The following SCIN variants were observed in gnomAD, a reference collection of about 807,000 sequenced individuals.
The protein encoded by SCIN is adseverin.
SCIN carries 91 observed loss-of-function variants against 91.8 expected under a neutral mutation model. That is an observed-to-expected ratio of 0.99 (90% CI 0.84 to 1.18). The LOEUF is 1.18. SCIN is among the 50% of genes most tolerant of loss of function. SCIN has a pLI of 0.00. For missense variants in SCIN, 1,087 were observed against 863.9 expected (o/e 1.26, Z -3.24); for synonymous variants, 367 against 312.6 (o/e 1.17, Z -1.84).
intron 4 of SCIN, among the ~76,000 whole-genome samples, chr7:12,613,731 T>C (rs147516457): frequency 1.3e-5 from 2 of 152,258 alleles, no homozygotes; most frequent in African/African-American, 4.8e-5. Context: ...AATTACATTA[T>C]TTTGAAAAAA....
chr7:12,605,572 C>G (rs1381630596), intron 4 of SCIN, among the ~76,000 whole-genome samples: 2 of 152,002 alleles, frequency 1.3e-5, no homozygotes, highest in African/African-American at 4.8e-5. Flanking sequence ...ATATGCACAG[C>G]CTGAAGATAA....
intron 1 of SCIN, chr7:12,571,312 C>CCACTCTTGTCCAGGGG: frequency 2.5e-6 from 1 of 399,784 alleles, no homozygotes; most frequent in Non-Finnish European, 4.6e-6. Context: ...TTGTCCAGGG[C>CCACTCTTGTCCAGGGG]CGCTGCCTCA....
chr7:12,645,417 G>A (rs10255616), intron 13 of SCIN, among the ~76,000 whole-genome samples: 13,123 of 152,170 alleles, frequency 0.086, 859 homozygotes, highest in African/African-American at 0.18. Context: ...CTTCAGACAT[G>A]CTACTGTTCT....
intron 3 of SCIN, among the ~76,000 whole-genome samples, chr7:12,598,284 G>A (rs757449455): frequency 4.6e-5 from 7 of 152,024 alleles, no homozygotes; most frequent in Non-Finnish European, 8.8e-5. Context: ...ACAGAGTAAG[G>A]TGAATTAAGA....
At chr7:12,577,984 C>T in intron 1 of SCIN, 80 bp from the exon 2 acceptor site, 1 of 1,294,574 alleles carries the variant, frequency 7.7e-7, no homozygotes, top group Non-Finnish European at 1.0e-6. Context: ...ATGAAAATTT[C>T]TGACTTCTTT....
At chr7:12,589,789 A>G (rs1782679592) in intron 3 of SCIN, among the ~76,000 whole-genome samples, 1 of 151,870 alleles carries the variant, frequency 6.6e-6, no homozygotes, top group African/African-American at 2.4e-5. Flanking sequence ...CATGAGGGAG[A>G]CTGTTGGGAG....
At chr7:12,571,340 C>A in intron 1 of SCIN, 1 of 367,208 alleles carries the variant, frequency 2.7e-6, no homozygotes, top group South Asian at 2.7e-5. Flanking sequence ...CCGTCTCTGG[C>A]CAAGCCCCGC....
In SCIN at chr7:12,654,635, AG is replaced by A. The variant is rs1562640959; in HGVS notation, c.*1921del. The A allele has an allele frequency of 6.6e-6, 1 of 152,210 alleles. No homozygotes were observed. Among genetic ancestry groups the A allele is most frequent in the Non-Finnish European group, 1.5e-5 (1 of 68,018 alleles). The allele number at this position is 152,210 out of a possible 1,614,324, so 9.4% of individuals were successfully genotyped here. A position where few individuals can be genotyped will look rare whatever the true frequency, so the allele number is the denominator to read the frequency against. On this transcript the variant is annotated 3_prime_UTR_variant, in exon 16 of 16. Transcript: ENST00000297029. ...ATAAGTAGTACTTTTTCACAAAATT[AG>A]TAAAGGTCAAGGTGAGTGGCTTAGG...
At chr7:12,616,806 A>G (rs558292177) in intron 4 of SCIN, among the ~76,000 whole-genome samples, 14 of 152,192 alleles carry the variant, frequency 9.2e-5, no homozygotes, top group Non-Finnish European at 1.8e-4. Flanking sequence ...TAATGACATC[A>G]TAGACAACAC....
chr7:12,647,780 C>T (rs1783995222), intron 13 of SCIN, among the ~76,000 whole-genome samples: 2 of 152,172 alleles, frequency 1.3e-5, no homozygotes, highest in African/African-American at 4.8e-5. Context: ...AAAATCTCAT[C>T]AGATTAGAAC....
chr7:12,607,706 GT>G (rs1357472177), intron 4 of SCIN, among the ~76,000 whole-genome samples: 1 of 152,134 alleles, frequency 6.6e-6, no homozygotes, highest in Non-Finnish European at 1.5e-5. Context: ...TGAATTTTCA[GT>G]GAAAACCTTT....
chr7:12,612,631 T>C (rs113919369), intron 4 of SCIN, among the ~76,000 whole-genome samples: 1,723 of 152,300 alleles, frequency 0.011, 31 homozygotes, highest in African/African-American at 0.04. Flanking sequence ...CTACCATGTA[T>C]TGATGGCTTA....
intron 4 of SCIN, among the ~76,000 whole-genome samples, chr7:12,608,190 A>G (rs1783117463): frequency 1.3e-5 from 2 of 152,128 alleles, no homozygotes; most frequent in Non-Finnish European, 1.5e-5. Context: ...TAATAGCTGC[A>G]TTTCAATGTA....
At chr7:12,640,281 G>A in intron 10 of SCIN, 66 bp from the exon 11 acceptor site, 2 of 1,337,534 alleles carry the variant, frequency 1.5e-6, no homozygotes, top group East Asian at 2.7e-5. Flanking sequence ...GAACACATTT[G>A]GAACTAAAAC....
Position 12,655,627 on chromosome 7 carries a change from A to G in SCIN, c.*2912A>G, listed in dbSNP as rs1784152051. 6.6e-6 allele frequency: 1 copy of G among 152,228 alleles called. No individual in the cohort carries two copies. Among genetic ancestry groups the G allele is most frequent in the Non-Finnish European group, 1.5e-5 (1 of 68,034 alleles). 9.4% of individuals were successfully genotyped at this position (152,228 alleles called of 1,614,324 possible). On this transcript the variant is annotated 3_prime_UTR_variant, in exon 16 of 16. Coordinates refer to ENST00000297029, the MANE Select transcript of SCIN (RefSeq NM_001112706.3). Reference sequence around the variant, plus strand: ...AGTGGTCATCAAAATGTAGGGTTACAGGTTCACCCATACACTGTTAATAGA... The same window carrying G: ...AGTGGTCATCAAAATGTAGGGTTACGGGTTCACCCATACACTGTTAATAGA...
At chr7:12,643,054 G>T (rs1000482749) in intron 11 of SCIN, among the ~76,000 whole-genome samples, 1 of 152,138 alleles carries the variant, frequency 6.6e-6, no homozygotes, top group African/African-American at 2.4e-5. Context: ...ATTCTCAGTT[G>T]ATTTCAGATG....
intron 3 of SCIN, 95 bp downstream of exon 3, chr7:12,581,316 T>C (rs1562595258): frequency 7.7e-7 from 1 of 1,306,532 alleles, no homozygotes; most frequent in Non-Finnish European, 1.0e-6. Flanking sequence ...TCACTTTTTC[T>C]ACACACCAGA....
chr7:12,611,567 C>T (rs1783191828), intron 4 of SCIN, among the ~76,000 whole-genome samples: 1 of 152,100 alleles, frequency 6.6e-6, no homozygotes, highest in South Asian at 2.1e-4. Context: ...AGCTTTATTT[C>T]TGGGGCGTGA....
intron 10 of SCIN, among the ~76,000 whole-genome samples, chr7:12,638,892 C>T (rs1431028663): frequency 1.3e-5 from 2 of 152,120 alleles, no homozygotes; most frequent in African/African-American, 2.4e-5. Context: ...GTATTACTTA[C>T]CAAACTATTA....
Sources: allele counts gnomAD v4.1 joint callset (sites outside exome capture counted in the v4.1 genomes callset), GRCh38; gene constraint gnomAD v4.1.1; transcripts MANE v1.5; gene names NCBI Gene and HGNC (gene_info 2026-07-23, HGNC 2026-07-21).